Variants in CSMD1 observed in about 807,000 individuals in gnomAD.
CSMD1 encodes the protein CUB and sushi domain-containing protein 1.
Under a neutral mutation model 417.5 loss-of-function variants are expected in CSMD1, and 213 were observed. The ratio of observed to expected loss-of-function variants is 0.51; its 90% CI spans 0.46 to 0.57. The LOEUF (loss-of-function observed/expected upper bound fraction) is 0.57, where lower values mean the gene tolerates loss of function less well. Among genes scored for constraint, CSMD1 ranks in the 20% least tolerant of loss-of-function variants. CSMD1 has a pLI of 0.00. For synonymous variants in CSMD1, 2,862 were observed against 1,736.8 expected, an observed-to-expected ratio of 1.65 and a Z score of -16.11; for missense variants, 6,923 against 4,529.7, an observed-to-expected ratio of 1.53 and a Z score of -15.17.
intron 5 of CSMD1, among the ~76,000 whole-genome samples, chr8:3,945,206 A>G (rs1486538956): frequency 2.0e-5 from 3 of 151,194 alleles, no homozygotes; most frequent in Non-Finnish European, 4.4e-5. Flanking sequence ...AACAGAAGCT[A>G]ACTATTTCTT....
At chr8:3,142,364 G>T in intron 41 of CSMD1, 101 bp downstream of exon 41, 2 of 1,036,034 alleles carry the variant, frequency 1.9e-6, no homozygotes, top group Non-Finnish European at 1.4e-6. Context: ...TATTCCACTC[G>T]TACAAGCTTG....
At chr8:4,019,078 T>C (rs900947240) in intron 4 of CSMD1, among the ~76,000 whole-genome samples, 1 of 152,214 alleles carries the variant, frequency 6.6e-6, no homozygotes, top group Non-Finnish European at 1.5e-5. Flanking sequence ...TTGCTAGAAA[T>C]TGTCTATATC....
chr8:3,030,302 A>G (rs967399815), intron 50 of CSMD1, among the ~76,000 whole-genome samples: 1 of 151,996 alleles, frequency 6.6e-6, no homozygotes, highest in Non-Finnish European at 1.5e-5. Context: ...AATACATTAC[A>G]CAAAATTAGA....
chr8:4,149,884 G>C (rs1405871563), intron 3 of CSMD1, among the ~76,000 whole-genome samples: 1 of 152,086 alleles, frequency 6.6e-6, no homozygotes, highest in African/African-American at 2.4e-5. Flanking sequence ...GCTGACCCAG[G>C]TCCACTCTAA....
rs1455663682 is a variant in CSMD1, at chr8:3,439,298, TATATATATATA to T, written c.1561+29403_1561+29413del. ...CAATGTCAGTATATATATATATATA[TATATATATATA>T]TTTTTTTTTTTAATATGTATTTTTA... On this transcript the variant is annotated intron_variant, in intron 12 of 69. Transcript: ENST00000635120. Among the ~76,000 whole-genome samples the T allele has an allele frequency of 5.7e-3, 340 of 59,762 alleles. 15 individuals are homozygous for T. Among genetic ancestry groups the T allele is most frequent in the Middle Eastern group, 0.035 (4 of 114 alleles). 39.2% of individuals were successfully genotyped at this position (59,762 alleles called of 152,430 possible).
At chr8:3,004,191 C>A (rs1807673476) in intron 52 of CSMD1, among the ~76,000 whole-genome samples, 2 of 152,254 alleles carry the variant, frequency 1.3e-5, no homozygotes, top group South Asian at 2.1e-4. Context: ...GTGGACCTTA[C>A]ACTATGATGC....
At chr8:4,466,692 C>T (rs529308383) in intron 2 of CSMD1, among the ~76,000 whole-genome samples, 1 of 152,028 alleles carries the variant, frequency 6.6e-6, no homozygotes, top group Non-Finnish European at 1.5e-5. Context: ...GTTCTCCAGT[C>T]CCAGCTTTTT....
chr8:3,439,144 A>G (rs1585166006), intron 12 of CSMD1, among the ~76,000 whole-genome samples: 2 of 130,920 alleles, frequency 1.5e-5, no homozygotes, highest in Admixed American at 7.6e-5. Flanking sequence ...AAAAAAAAAA[A>G]AAAAAAAACC....
chr8:3,458,271 C>G (rs572143198), intron 12 of CSMD1, among the ~76,000 whole-genome samples: 6 of 152,084 alleles, frequency 3.9e-5, no homozygotes, highest in African/African-American at 1.2e-4. Context: ...TAATGTTCTC[C>G]GGCACCACCT....
chr8:3,420,339 T>G (rs371586807), intron 12 of CSMD1, among the ~76,000 whole-genome samples: 5 of 148,238 alleles, frequency 3.4e-5, no homozygotes, highest in African/African-American at 1.2e-4. Context: ...GGAAAGGCAG[T>G]AACAATTCAG....
chr8:3,922,917 A>T (rs962411241), intron 5 of CSMD1, among the ~76,000 whole-genome samples: 3 of 152,214 alleles, frequency 2.0e-5, no homozygotes, highest in Non-Finnish European at 4.4e-5. Context: ...GAACACAAAT[A>T]ATGGTCAACA....
chr8:4,597,526 T>C (rs1407006351), intron 2 of CSMD1, among the ~76,000 whole-genome samples: 1 of 152,152 alleles, frequency 6.6e-6, no homozygotes, highest in Non-Finnish European at 1.5e-5. Flanking sequence ...TCTATATCTT[T>C]CTATTTTGCC....
At chr8:3,941,631 G>GA (rs1810890270) in intron 5 of CSMD1, among the ~76,000 whole-genome samples, 1 of 152,012 alleles carries the variant, frequency 6.6e-6, no homozygotes, top group African/African-American at 2.4e-5. Flanking sequence ...AAGACTTAAT[G>GA]AAAAAAATTA....
intron 3 of CSMD1, among the ~76,000 whole-genome samples, chr8:4,047,170 C>T (rs374424444): frequency 4.6e-5 from 7 of 152,194 alleles, no homozygotes; most frequent in Non-Finnish European, 8.8e-5. Context: ...CCTGACCTAT[C>T]TGACCTGTGC....
chr8:3,610,660 T>G (rs1391443451), intron 8 of CSMD1, among the ~76,000 whole-genome samples: 2 of 152,216 alleles, frequency 1.3e-5, no homozygotes, highest in African/African-American at 4.8e-5. Flanking sequence ...CAATTTTTCT[T>G]GTAACATAGC....
At chr8:3,058,468 CAAT>C in intron 49 of CSMD1, among the ~76,000 whole-genome samples, 1 of 152,252 alleles carries the variant, frequency 6.6e-6, no homozygotes, top group South Asian at 2.1e-4. Flanking sequence ...GTTAATTTTT[CAAT>C]AAACATGATC....
chr8:4,114,010 G>C lies in CSMD1; in HGVS notation c.416-81911C>G, dbSNP rs187361380. On this transcript the variant is annotated intron_variant, in intron 3 of 69. Transcript: ENST00000635120. The stretch of plus-strand genomic sequence containing the variant: ...AATGTCAATGTAGAAGCTGCAGCAC[G>C]TTCTCCAGAACATCTAAGATCATTG... Among the ~76,000 whole-genome samples, 150 of 152,282 alleles carry C rather than the reference G, an allele frequency of 9.9e-4. 2 individuals carry two copies. In the South Asian group the frequency reaches 0.03, roughly 30 times the overall value.
intron 10 of CSMD1, among the ~76,000 whole-genome samples, chr8:3,557,758 G>T (rs1585361770): frequency 6.6e-6 from 1 of 152,148 alleles, no homozygotes. Flanking sequence ...CCTAGTAGGT[G>T]ACACAGGTTT....
At chr8:3,883,582 G>C (rs1173157208) in intron 5 of CSMD1, among the ~76,000 whole-genome samples, 2 of 152,018 alleles carry the variant, frequency 1.3e-5, no homozygotes, top group Non-Finnish European at 2.9e-5. Flanking sequence ...GGAATAGTTT[G>C]CAAAAATTAG....
Sources: gnomAD v4.1 joint callset for allele counts (sites outside exome capture counted in the v4.1 genomes callset) on GRCh38, gnomAD v4.1.1 for gene constraint, MANE v1.5 for transcripts, NCBI Gene and HGNC (gene_info 2026-07-23, HGNC 2026-07-21) for gene names.